ITCH: variants seen among roughly 807,000 people sequenced by gnomAD.
ITCH encodes the protein itchy E3 ubiquitin protein ligase, also known as E3 ubiquitin-protein ligase Itchy homolog.
ITCH carries 28 observed loss-of-function variants against 126.8 expected under a neutral mutation model. The observed-to-expected ratio is 0.22, with a 90% CI of 0.16 to 0.30. The LOEUF is 0.30. ITCH is among the 10% of genes least tolerant of loss of function. The pLI is 1.00. For synonymous variants in ITCH, 342 were observed against 340.0 expected, an observed-to-expected ratio of 1.01 and a Z score of -0.06; for missense variants, 631 against 1,032.4, an observed-to-expected ratio of 0.61 and a Z score of 5.33.
intron 3 of ITCH, among the ~76,000 whole-genome samples, chr20:34,406,148 C>A (rs899798089): frequency 6.6e-6 from 1 of 151,702 alleles, no homozygotes; most frequent in Admixed American, 6.6e-5. Flanking sequence ...CAGCCTCCCC[C>A]CAGCAGCTGG....
At chr20:34,389,298 G>A (rs1167582482) in intron 2 of ITCH, among the ~76,000 whole-genome samples, 3 of 152,004 alleles carry the variant, frequency 2.0e-5, no homozygotes, top group South Asian at 2.1e-4. Flanking sequence ...GATTACGGAC[G>A]TGAGCCACTG....
chr20:34,450,006 C>G (rs145479862), intron 12 of ITCH, among the ~76,000 whole-genome samples: 8 of 152,234 alleles, frequency 5.3e-5, no homozygotes, highest in African/African-American at 1.9e-4. Flanking sequence ...TTGATTCCAT[C>G]AAGATCCACA....
At chr20:34,455,360 C>G (rs1161393816) in intron 12 of ITCH, among the ~76,000 whole-genome samples, 1 of 152,116 alleles carries the variant, frequency 6.6e-6, no homozygotes, top group Non-Finnish European at 1.5e-5. Flanking sequence ...GGAATCCCAT[C>G]TTTTGAAGAA....
At chr20:34,438,007 C>T (rs1471885878) in intron 7 of ITCH, among the ~76,000 whole-genome samples, 1 of 152,188 alleles carries the variant, frequency 6.6e-6, no homozygotes, top group African/African-American at 2.4e-5. Flanking sequence ...GGCCTAGTCC[C>T]TGGGAAATAC....
intron 3 of ITCH, among the ~76,000 whole-genome samples, chr20:34,403,610 A>G (rs547877911): frequency 1.3e-5 from 2 of 152,342 alleles, no homozygotes; most frequent in South Asian, 2.1e-4. Context: ...TGTGCAATCA[A>G]GAGGCTCACG....
intron 16 of ITCH, among the ~76,000 whole-genome samples, chr20:34,473,963 G>A (rs1038055601): frequency 6.6e-6 from 1 of 152,168 alleles, no homozygotes; most frequent in African/African-American, 2.4e-5. Context: ...TTAGATCTCT[G>A]CCTTCACCTA....
intron 2 of ITCH, 127 bp from the exon 3 acceptor site, chr20:34,393,664 A>G (rs1350759891): frequency 5.5e-6 from 4 of 722,396 alleles, no homozygotes; most frequent in Non-Finnish European, 1.0e-5. Context: ...AGAATTGAAA[A>G]TTGTGTTTAG....
intron 23 of ITCH, among the ~76,000 whole-genome samples, chr20:34,499,129 C>G (rs1416085972): frequency 6.6e-6 from 1 of 151,882 alleles, no homozygotes; most frequent in Non-Finnish European, 1.5e-5. Flanking sequence ...CGCCTGCCAC[C>G]ATGCTCGGCT....
chr20:34,472,372 TAAAA>T (rs527802058), intron 16 of ITCH, among the ~76,000 whole-genome samples: 22 of 79,690 alleles, frequency 2.8e-4, no homozygotes, highest in Middle Eastern at 6.7e-3. Flanking sequence ...CATCTCAATT[TAAAA>T]AAAAAAAAAA....
chr20:34,390,630 A>C (rs1471929011), intron 2 of ITCH, among the ~76,000 whole-genome samples: 1 of 151,776 alleles, frequency 6.6e-6, no homozygotes, highest in Admixed American at 6.6e-5. Flanking sequence ...TTGTATTTTT[A>C]GTAGAGACGA....
At position 34,509,419 on chromosome 20, in the gene ITCH, GA is replaced by G. The variant is rs1167619170; in HGVS notation, c.*1631del. On this transcript the variant is annotated 3_prime_UTR_variant, in exon 25 of 25. Transcript: ENST00000374864. ...AAGCAGCAGAACCCTGTTCCATATG[GA>G]AAAAAGAAAAACAATTTTTTGTCCC... The G allele has an allele frequency of 6.6e-6, 1 of 152,304 alleles. No homozygotes were observed. Among genetic ancestry groups the G allele is most frequent in the East Asian group, 1.9e-4 (1 of 5,196 alleles). The allele number at this position is 152,304 out of a possible 1,614,324, so 9.4% of individuals were successfully genotyped here.
In ITCH at chr20:34,452,639, A is replaced by G. The variant is rs556557914; in HGVS notation, c.1210+3159A>G. Among the ~76,000 whole-genome samples the G allele has an allele frequency of 2.6e-3, 398 of 152,298 alleles. 3 individuals are homozygous for G. Among genetic ancestry groups the G allele is most frequent in the African/African-American group, 8.1e-3 (338 of 41,558 alleles). The stretch of plus-strand genomic sequence containing the variant: ...CCCTTTCAGACTTTTATATGCTGGG[A>G]CTAGACATTCCTACCTCATAGGCTC... On this transcript the variant is annotated intron_variant, in intron 12 of 24. Transcript: ENST00000374864.
intron 4 of ITCH, 132 bp from the exon 5 acceptor site, chr20:34,412,383 A>G (rs1979162587): frequency 7.5e-6 from 5 of 664,148 alleles, no homozygotes; most frequent in Admixed American, 5.2e-5. Context: ...ATAGGCCAAT[A>G]TTGATTGTAT....
At chr20:34,422,721 C>T (rs1417207746) in intron 6 of ITCH, among the ~76,000 whole-genome samples, 1 of 152,000 alleles carries the variant, frequency 6.6e-6, no homozygotes, top group Non-Finnish European at 1.5e-5. Flanking sequence ...ATTTTTATCC[C>T]CTCAGTAAAA....
Position 34,457,373 on chromosome 20 carries a change from C to T in ITCH, c.1211-17C>T. On this transcript the variant is annotated splice_polypyrimidine_tract_variant and intron_variant, in intron 12 of 24. Transcript: ENST00000374864. ...ATGCTAATGCTTTGCTTTCCCCTGC[C>T]CCTGCCCTTCCCAAAGAGAAGAGAA... 6.3e-7 allele frequency: 1 copy of T among 1,587,190 alleles called. No individual in the cohort carries two copies. The highest frequency in any genetic ancestry group is 1.1e-5 in the South Asian group (1 of 90,288).
chr20:34,402,252 C>CA (rs2038913213), intron 3 of ITCH: 2 of 1,274,746 alleles, frequency 1.6e-6, no homozygotes, highest in Admixed American at 3.4e-5. Flanking sequence ...GAGTGCAGAA[C>CA]ACTCCACGTA....
intron 2 of ITCH, among the ~76,000 whole-genome samples, chr20:34,383,068 G>T (rs1019066400): frequency 4.0e-5 from 6 of 151,800 alleles, no homozygotes; most frequent in South Asian, 2.1e-4. Context: ...TTCAGACAGG[G>T]TCCTACTTTG....
At chr20:34,371,180 A>C (rs951712972) in intron 2 of ITCH, among the ~76,000 whole-genome samples, 1 of 151,814 alleles carries the variant, frequency 6.6e-6, no homozygotes, top group South Asian at 2.1e-4. Context: ...AAAAAAAAAA[A>C]AAAAAACTGA....
rs537593158 is a variant in ITCH, at chr20:34,410,677, C to A, written c.213-1838C>A. ...TTAACCAGGGCAAAGTAGCGAGTTC[C>A]CATCTCATATATATTTTTTCCTTTA... On this transcript the variant is annotated intron_variant, in intron 4 of 24. Coordinates refer to ENST00000374864, the MANE Select transcript of ITCH (RefSeq NM_031483.7). 1.2e-4 allele frequency among the ~76,000 whole-genome samples: 19 copies of A among 152,136 alleles called. 1 individual carries two copies. In the South Asian group the frequency reaches 3.9e-3, roughly 32 times the overall value.
Sources: allele counts gnomAD v4.1 joint callset (sites outside exome capture counted in the v4.1 genomes callset), GRCh38; gene constraint gnomAD v4.1.1; transcripts MANE v1.5; gene names NCBI Gene and HGNC (gene_info 2026-07-23, HGNC 2026-07-21).